Variants in MYH16 observed in about 807,000 individuals in gnomAD.
MYH16 encodes the protein putative uncharacterized protein MYH16.
chr7:99,279,381 A>G (rs1460959311), intron 21 of MYH16, 129 bp from the exon 4 acceptor site: 32 of 315,114 alleles, frequency 1.0e-4, no homozygotes, highest in South Asian at 7.4e-4. Context: ...AAAAAAAAAA[A>G]GGAGCTCGAG....
At chr7:99,298,120 A>T in intron 36 of MYH16, 125 bp downstream of exon 17, 1 of 379,464 alleles carries the variant, frequency 2.6e-6, no homozygotes, top group Non-Finnish European at 5.2e-6. Context: ...CTTGCTGAAC[A>T]TGTTTCCTCA....
intron 22 of MYH16, 131 bp downstream of exon 4, chr7:99,279,868 T>A (rs1792177617): frequency 2.8e-6 from 1 of 352,966 alleles, no homozygotes; most frequent in African/African-American, 2.2e-5. Context: ...GGGGTTTTTT[T>A]TTGTTTGTTT....
At chr7:99,265,200 G>A (rs1249758145) in intron 16 of MYH16, 1 of 152,604 alleles carries the variant, frequency 6.6e-6, no homozygotes, top group Admixed American at 6.5e-5. Flanking sequence ...GTATGTTGTG[G>A]GGTCACGGCT....
At chr7:99,266,808 T>A (rs910717393) in intron 17 of MYH16, 1 of 152,674 alleles carries the variant, frequency 6.5e-6, no homozygotes, top group Non-Finnish European at 1.5e-5. Flanking sequence ...TTATGTGCTG[T>A]CAGCTTGGGC....
intron 18 of MYH16, among the ~76,000 whole-genome samples, chr7:99,270,323 A>ATT (rs1181065806): frequency 5.1e-5 from 7 of 136,232 alleles, no homozygotes; most frequent in Non-Finnish European, 8.2e-5. Flanking sequence ...AGAAAAAAAA[A>ATT]TTTTTTTTTT....
At chr7:99,247,171 T>G (rs949655961) in intron 2 of MYH16, among the ~76,000 whole-genome samples, 4 of 152,168 alleles carry the variant, frequency 2.6e-5, no homozygotes, top group Non-Finnish European at 5.9e-5. Context: ...AGGCTGGGTT[T>G]CGTTGTTTTT....
chr7:99,246,620 T>G (rs747045756), intron 2 of MYH16, among the ~76,000 whole-genome samples: 1 of 152,106 alleles, frequency 6.6e-6, no homozygotes, highest in Non-Finnish European at 1.5e-5. Context: ...GAGAATTGCT[T>G]GAATCTGGGA....
chr7:99,297,730 G>C, exon 35 of MYH16: 1 of 456,584 alleles, frequency 2.2e-6, no homozygotes, highest in South Asian at 1.5e-5. Flanking sequence ...AGAAGTTGAA[G>C]AAAAAATTGG....
exon 39 of MYH16, chr7:99,303,129 A>G: frequency 6.5e-6 from 1 of 152,718 alleles, no homozygotes; most frequent in South Asian, 2.1e-4. Flanking sequence ...TCCAACGAGC[A>G]TGAGGAGCTC....
In MYH16 at chr7:99,281,026, G is replaced by A. The variant is rs145990741; in HGVS notation, n.2992+46G>A. ...CCCTCAGCCCAGCAGCTAGAGCTTGGCACAATGTGCTTTCCATTGGAGACT... is the reference window on the plus strand; with the variant it reads ...CCCTCAGCCCAGCAGCTAGAGCTTGACACAATGTGCTTTCCATTGGAGACT... On this transcript the variant is annotated intron_variant and non_coding_transcript_variant, in intron 23 of 41. Transcript: ENST00000439784. The A allele has an allele frequency of 7.1e-3, 2,271 of 318,376 alleles. 16 individuals carry two copies. The highest frequency in any genetic ancestry group is 1.0e-2 in the South Asian group (426 of 42,796). The allele number at this position is 318,376 out of a possible 1,614,324, so 19.7% of individuals were successfully genotyped here.
At chr7:99,276,736 C>T (rs1291334328) in intron 20 of MYH16, among the ~76,000 whole-genome samples, 3 of 151,974 alleles carry the variant, frequency 2.0e-5, no homozygotes, top group African/African-American at 4.8e-5. Flanking sequence ...AAGGCCAAGT[C>T]GAGAGGTGTG....
chr7:99,239,054 T>A (rs1373070345), intron 1 of MYH16: 1 of 152,540 alleles, frequency 6.6e-6, no homozygotes, highest in Non-Finnish European at 1.5e-5. Context: ...TGGGGCACGA[T>A]CTCCAGGATG....
chr7:99,277,935 G>GAGAC (rs776604184), intron 21 of MYH16, among the ~76,000 whole-genome samples: 2,818 of 143,696 alleles, frequency 0.02, 38 homozygotes, highest in Non-Finnish European at 0.022. Context: ...GAGAGAGAGA[G>GAGAC]AGACAGACAG....
intron 12 of MYH16, chr7:99,260,431 G>A (rs1791926318): frequency 1.1e-5 from 6 of 559,466 alleles, no homozygotes; most frequent in South Asian, 9.1e-5. Flanking sequence ...AGGGGAGTCA[G>A]TGACACCACC....
At chr7:99,283,725 A>T (rs1792236552) in intron 24 of MYH16, 74 bp downstream of exon 6, 8 of 452,850 alleles carry the variant, frequency 1.8e-5, no homozygotes, top group South Asian at 1.2e-4. Flanking sequence ...TCCGAAGATT[A>T]GTTTTGAGAA....
chr7:99,310,666 G>A (rs1346694396), downstream of MYH16: 1 of 152,220 alleles, frequency 6.6e-6, no homozygotes, highest in Non-Finnish European at 1.5e-5. Flanking sequence ...GAGCAAAGAT[G>A]TCAGAGCTCC....
chr7:99,281,564 C>A (rs1190973160), intron 23 of MYH16, among the ~76,000 whole-genome samples: 4 of 152,114 alleles, frequency 2.6e-5, no homozygotes, highest in Admixed American at 1.3e-4. Flanking sequence ...TGTCTCAAAA[C>A]AAACAAACAA....
At chr7:99,270,470 C>A (rs940340358) in intron 18 of MYH16, among the ~76,000 whole-genome samples, 3 of 151,568 alleles carry the variant, frequency 2.0e-5, no homozygotes, top group Admixed American at 6.6e-5. Flanking sequence ...TACAGGCGCC[C>A]GCCACCACGC....
chr7:99,246,523 GAAACCCCATCTCTACTAAA>G (rs1215971630), intron 2 of MYH16, among the ~76,000 whole-genome samples: 1 of 152,114 alleles, frequency 6.6e-6, no homozygotes, highest in Non-Finnish European at 1.5e-5. Context: ...CCAATATGGC[GAAACCCCATCTCTACTAAA>G]AATACAAAAA....
Sources: allele counts gnomAD v4.1 joint callset (sites outside exome capture counted in the v4.1 genomes callset), GRCh38; gene constraint gnomAD v4.1.1; transcripts MANE v1.5; gene names NCBI Gene and HGNC (gene_info 2026-07-23, HGNC 2026-07-21).